Variants in NAV2 observed in about 807,000 individuals in gnomAD.
The protein encoded by NAV2 is helicase, APC down-regulated 1.
A neutral mutation model predicts 223.2 loss-of-function variants in NAV2; 54 were observed. The observed-to-expected ratio is 0.24, with a 90% CI of 0.19 to 0.30. The LOEUF (loss-of-function observed/expected upper bound fraction) is 0.30. Among genes scored for constraint, NAV2 ranks in the 10% least tolerant of loss-of-function variants. NAV2 has a pLI of 1.00. For synonymous variants in NAV2, 1,279 were observed against 1,239.3 expected (o/e 1.03, Z -0.67); for missense variants, 2,806 against 3,147.5 (o/e 0.89, Z 2.60).
chr11:19,927,688 T>TAAAACAAAACAAAACAAAAC (rs111622616), intron 6 of NAV2, among the ~76,000 whole-genome samples: 2 of 150,448 alleles, frequency 1.3e-5, no homozygotes, highest in African/African-American at 4.9e-5. Flanking sequence ...CTACATCTTT[T>TAAAACAAAACAAAACAAAAC]AAAACAAAAC....
intron 1 of NAV2, among the ~76,000 whole-genome samples, chr11:19,419,292 C>T (rs184287568): frequency 1.5e-3 from 225 of 152,332 alleles, no homozygotes; most frequent in Non-Finnish European, 2.6e-3. Flanking sequence ...AGGAGAGGCA[C>T]TGCAGGTGAG....
chr11:19,503,321 T>A (rs2043016824), intron 1 of NAV2: 1 of 152,234 alleles, frequency 6.6e-6, no homozygotes, highest in African/African-American at 2.4e-5. Flanking sequence ...TCAAAGTCCA[T>A]AGTTTACATT....
intron 10 of NAV2, among the ~76,000 whole-genome samples, chr11:19,960,625 A>ATTTT (rs1317755904): frequency 3.3e-5 from 5 of 149,916 alleles, no homozygotes; most frequent in Non-Finnish European, 5.9e-5. Context: ...TTATTTATTT[A>ATTTT]TTTTTTGAGA....
At chr11:20,092,008 T>A (rs769573543) in intron 27 of NAV2, among the ~76,000 whole-genome samples, 198 bp from the exon 28 acceptor site, 1 of 152,212 alleles carries the variant, frequency 6.6e-6, no homozygotes, top group Non-Finnish European at 1.5e-5. Context: ...GTTCTCTGAA[T>A]GGATGGACCT....
chr11:19,924,675 A>G (rs1167031748), intron 6 of NAV2, among the ~76,000 whole-genome samples: 1 of 152,246 alleles, frequency 6.6e-6, no homozygotes, highest in Non-Finnish European at 1.5e-5. Flanking sequence ...TCCACCATGC[A>G]TAGAAGAAGA....
chr11:20,035,538 G>T (rs1366088678), intron 11 of NAV2, among the ~76,000 whole-genome samples: 3 of 152,170 alleles, frequency 2.0e-5, no homozygotes, highest in African/African-American at 7.2e-5. Flanking sequence ...TCATACAGCA[G>T]CTCTGCCCTC....
At chr11:20,000,760 T>C (rs934619443) in intron 11 of NAV2, among the ~76,000 whole-genome samples, 6 of 152,162 alleles carry the variant, frequency 3.9e-5, no homozygotes, top group South Asian at 2.1e-4. Flanking sequence ...AGAGGTCAGC[T>C]CTGAGACTTC....
intron 10 of NAV2, among the ~76,000 whole-genome samples, chr11:19,953,514 A>G (rs188671275): frequency 5.9e-5 from 9 of 152,334 alleles, no homozygotes; most frequent in African/African-American, 1.4e-4. Context: ...TCTTCCTGGA[A>G]TTCCTTTCCC....
At chr11:19,895,104 C>CTTTTTTTTT (rs71050690) in intron 6 of NAV2, among the ~76,000 whole-genome samples, 50 of 99,238 alleles carry the variant, frequency 5.0e-4, no homozygotes, top group African/African-American at 7.6e-4. Flanking sequence ...CTTTTTCTTT[C>CTTTTTTTTT]TTTTTTTTTT....
chr11:19,750,668 T>C (rs1317799919), intron 1 of NAV2, among the ~76,000 whole-genome samples: 3 of 152,148 alleles, frequency 2.0e-5, no homozygotes, highest in African/African-American at 7.2e-5. Context: ...TATCTCTCAC[T>C]TCAGATAGAG....
chr11:20,021,456 A>G (rs899713253), intron 11 of NAV2, among the ~76,000 whole-genome samples: 4 of 152,208 alleles, frequency 2.6e-5, no homozygotes, highest in Non-Finnish European at 5.9e-5. Context: ...ATCTGTGCCC[A>G]TGTGCCTGTG....
chr11:19,489,515 T>C (rs2042553566), intron 1 of NAV2, among the ~76,000 whole-genome samples: 1 of 152,210 alleles, frequency 6.6e-6, no homozygotes, highest in Non-Finnish European at 1.5e-5. Context: ...ATCTCAGTTC[T>C]TCATCCATTA....
intron 1 of NAV2, among the ~76,000 whole-genome samples, chr11:19,406,170 G>A (rs553170517): frequency 2.0e-4 from 30 of 152,272 alleles, no homozygotes; most frequent in African/African-American, 5.1e-4. Flanking sequence ...TACAGCTGGC[G>A]GGAAACTTGT....
chr11:19,871,095 G>A (rs2153055383), intron 4 of NAV2, among the ~76,000 whole-genome samples: 1 of 152,162 alleles, frequency 6.6e-6, no homozygotes, highest in Non-Finnish European at 1.5e-5. Flanking sequence ...AAGCCATTGT[G>A]GTACAACCAT....
chr11:19,958,372 G>A (rs543269554), intron 10 of NAV2, among the ~76,000 whole-genome samples: 118 of 152,368 alleles, frequency 7.7e-4, no homozygotes, highest in African/African-American at 2.8e-3. Context: ...CGCTGTGAAG[G>A]AAAGATCATG....
intron 1 of NAV2, among the ~76,000 whole-genome samples, chr11:19,365,727 T>C (rs534598043): frequency 6.6e-6 from 1 of 152,240 alleles, no homozygotes; most frequent in Non-Finnish European, 1.5e-5. Flanking sequence ...TTAAAGAGGC[T>C]TTATATTTTA....
intron 3 of NAV2, among the ~76,000 whole-genome samples, chr11:19,865,101 AC>A (rs1203606159): frequency 6.6e-6 from 1 of 152,208 alleles, no homozygotes; most frequent in Non-Finnish European, 1.5e-5. Context: ...ATTGGCCACT[AC>A]ATGCTAATGA....
chr11:19,398,864 C>T (rs1385529254), intron 1 of NAV2, among the ~76,000 whole-genome samples: 1 of 152,212 alleles, frequency 6.6e-6, no homozygotes, highest in East Asian at 1.9e-4. Context: ...TTTTTGGACG[C>T]AGCCTCAGCT....
At chr11:19,647,252 C>G (rs1333495916) in intron 1 of NAV2, among the ~76,000 whole-genome samples, 2 of 152,136 alleles carry the variant, frequency 1.3e-5, no homozygotes, top group Non-Finnish European at 2.9e-5. Flanking sequence ...GATGGGTTTC[C>G]AGAAGTCATA....
Sources: gnomAD v4.1 joint callset for allele counts (sites outside exome capture counted in the v4.1 genomes callset) on GRCh38, gnomAD v4.1.1 for gene constraint, MANE v1.5 for transcripts, NCBI Gene and HGNC (gene_info 2026-07-23, HGNC 2026-07-21) for gene names.